Variants in PTPN18 observed in about 807,000 individuals in gnomAD.
The protein encoded by PTPN18 is tyrosine-protein phosphatase non-receptor type 18.
In PTPN18, 65 loss-of-function variants were observed where a neutral mutation model predicts 65.4. That is an observed-to-expected ratio of 0.99 (90% CI 0.81 to 1.22). The LOEUF (loss-of-function observed/expected upper bound fraction) is 1.22. Ranked by LOEUF, PTPN18 falls within the 50% of genes most tolerant of loss-of-function variation. The pLI, the probability that PTPN18 is intolerant of heterozygous loss-of-function variation, is 0.00. For synonymous variants in PTPN18, 255 were observed against 267.8 expected, an observed-to-expected ratio of 0.95 and a Z score of 0.47; for missense variants, 616 against 646.5, an observed-to-expected ratio of 0.95 and a Z score of 0.51.
At chr2:130,367,679 AT>A (rs963643807) in intron 5 of PTPN18, among the ~76,000 whole-genome samples, 30 of 151,466 alleles carry the variant, frequency 2.0e-4, no homozygotes, top group Middle Eastern at 3.4e-3. Context: ...TCAAAAAAAA[AT>A]TTTTTTTTCT....
intron 5 of PTPN18, among the ~76,000 whole-genome samples, chr2:130,368,161 T>C (rs540892879): frequency 6.6e-6 from 1 of 152,318 alleles, no homozygotes; most frequent in East Asian, 1.9e-4. Flanking sequence ...GTAATAGCCA[T>C]TTTAAGATTT....
In PTPN18 at chr2:130,373,011, G is replaced by T. The variant is rs968140229; in HGVS notation, c.1315+64G>T. ...CTTTGAGTGAACCCAGGAGTCTGGG[G>T]TTGATGGGGCATGGAGCTTAGTCCT... On this transcript the variant is annotated intron_variant, in intron 14 of 14. Transcript: ENST00000175756. The surrounding 1 kb of genome is among the most constrained non-coding windows in gnomAD (Gnocchi z 4.1). 3 of 1,598,022 alleles carry T rather than the reference G, an allele frequency of 1.9e-6. No homozygotes were observed. The highest frequency in any genetic ancestry group is 2.6e-6 in the Non-Finnish European group (3 of 1,165,924).
intron 5 of PTPN18, among the ~76,000 whole-genome samples, chr2:130,368,237 G>A (rs917583541): frequency 1.3e-5 from 2 of 152,040 alleles, no homozygotes; most frequent in African/African-American, 4.8e-5. Context: ...CCTGGTTATG[G>A]GTCACACTTT....
At chr2:130,370,218 T>C in intron 8 of PTPN18, 28 bp downstream of exon 8, 8 of 1,606,014 alleles carry the variant, frequency 5.0e-6, no homozygotes, top group Non-Finnish European at 6.8e-6. Context: ...CAGGAGGGTC[T>C]GGTGAGGCAG....
intron 5 of PTPN18, among the ~76,000 whole-genome samples, chr2:130,361,528 T>TTCTTTCTTTCTTTCTTTCTTTCTTTC (rs1680200996): frequency 8.9e-5 from 12 of 135,262 alleles, no homozygotes; most frequent in African/African-American, 3.3e-4. Context: ...CTTTCTTTCT[T>TTCTTTCTTTCTTTCTTTCTTTCTTTC]TCTTTCTTTC....
At chr2:130,360,950 G>A (rs1333776450) in intron 5 of PTPN18, among the ~76,000 whole-genome samples, 1 of 151,746 alleles carries the variant, frequency 6.6e-6, no homozygotes, top group Non-Finnish European at 1.5e-5. Flanking sequence ...TCCTGCCCCA[G>A]ACTCCTGAGT....
Position 130,371,217 on chromosome 2 carries a change from G to A in PTPN18, c.943G>A (p.Asp315Asn), listed in dbSNP as rs765171238. 1.1e-5 allele frequency: 17 copies of A among 1,610,176 alleles called. No individual in the cohort carries two copies. The East Asian group carries it at 2.0e-4, about 19-fold the overall frequency. The change falls in exon 12 of 15, where the codon GAC (aspartate) becomes AAC (asparagine). Residue 315 changes from aspartate to asparagine, a missense_variant. Asp to Asn is a conservative substitution (Grantham distance 23). This residue lies in a region of PTPN18 where 368 missense variants were observed against 386.7 expected (regional missense o/e 0.95). Coordinates refer to ENST00000175756, the MANE Select transcript of PTPN18 (RefSeq NM_014369.4). ...NIKENCAPLY[D>N]DALFLRTPQA... ...TCTTCAGAATTGTGCCCCACTCTAC[G>A]ACGATGCCCTCTTCCTCCGGACTCC...
intron 4 of PTPN18, 55 bp from the exon 5 acceptor site, chr2:130,359,553 T>G: frequency 6.2e-7 from 1 of 1,612,816 alleles, no homozygotes; most frequent in Admixed American, 1.7e-5. Context: ...CCTCGGCAGT[T>G]TCCCTGGCCC....
Position 130,359,626 on chromosome 2 carries a change from C to G in PTPN18, c.394C>G (p.Arg132Gly), listed in dbSNP as rs146895206. The change falls in exon 5 of 15, where the codon CGA becomes GGA. Residue 132 changes from arginine to glycine, a missense_variant. Physicochemically the swap from Arg to Gly is moderately radical, Grantham distance 125 (BLOSUM62 -2). Around this residue, in one of 3 missense-constraint regions of PTPN18, gnomAD observed 223 missense variants for 210.0 expected, o/e 1.06. Transcript: ENST00000175756. ...FGVKVILMAC[R>G]EIENGRKRCE... The stretch of plus-strand genomic sequence containing the variant: ...TGTCTAGGTGATCCTGATGGCCTGT[C>G]GAGAGATAGAGAATGGGCGGGTAGG... The G allele has an allele frequency of 1.9e-6, 3 of 1,614,082 alleles. No individual in the cohort carries two copies. Among genetic ancestry groups the G allele is most frequent in the African/African-American group, 2.7e-5 (2 of 75,012 alleles).
At chr2:130,359,001 C>T (rs754003227) in intron 2 of PTPN18, 26 bp downstream of exon 2, 90 of 1,609,300 alleles carry the variant, frequency 5.6e-5, no homozygotes, top group Non-Finnish European at 6.5e-5. Flanking sequence ...CGTAGGGAGT[C>T]GGTGCAGCCT....
Position 130,372,452 on chromosome 2 carries a change from G to C in PTPN18, c.1209G>C (p.Ala403=). The change falls in exon 13 of 15, where the codon GCG becomes GCC. Residue 403 remains alanine (A), a synonymous_variant. Coordinates refer to ENST00000175756, the MANE Select transcript of PTPN18 (RefSeq NM_014369.4). The part of the protein sequence containing the change: ...TPRAQRPGAH[A]EDARGTLPGR... ...GCGCCCAGCGACCCGGGGCGCACGC[G>C]GAGGACGCGAGGGGGACGCTGCCTG... The C allele has an allele frequency of 7.3e-7, 1 of 1,370,800 alleles. No homozygotes were observed. The highest frequency in any genetic ancestry group is 9.3e-7 in the Non-Finnish European group (1 of 1,069,696). The allele number at this position is 1,370,800 out of a possible 1,614,324, so 84.9% of individuals were successfully genotyped here.
intron 1 of PTPN18, among the ~76,000 whole-genome samples, chr2:130,356,429 G>A (rs921216549): frequency 1.3e-5 from 2 of 152,050 alleles, no homozygotes; most frequent in African/African-American, 4.8e-5. Flanking sequence ...GCCAGGCCGG[G>A]ACGGACCGTG....
intron 1 of PTPN18, among the ~76,000 whole-genome samples, chr2:130,357,343 T>C (rs1011188777): frequency 2.0e-5 from 3 of 152,262 alleles, no homozygotes; most frequent in African/African-American, 7.2e-5. Context: ...TAATCGCTTA[T>C]GTACCAGACA....
intron 5 of PTPN18, among the ~76,000 whole-genome samples, chr2:130,365,357 A>G (rs1680347049): frequency 6.6e-6 from 1 of 152,302 alleles, no homozygotes; most frequent in African/African-American, 2.4e-5. Context: ...TTTGGTTTTC[A>G]TGTGCTTATT....
Position 130,373,284 on chromosome 2 carries a change from C to T in PTPN18, c.*60C>T. The T allele has an allele frequency of 6.9e-7, 1 of 1,443,792 alleles. No individual in the cohort carries two copies. Among genetic ancestry groups the T allele is most frequent in the Non-Finnish European group, 9.3e-7 (1 of 1,076,290 alleles). The allele number at this position is 1,443,792 out of a possible 1,614,324, so 89.4% of individuals were successfully genotyped here. A position where few individuals can be genotyped will look rare whatever the true frequency, so the allele number is the denominator to read the frequency against. On this transcript the variant is annotated 3_prime_UTR_variant, in exon 15 of 15. Transcript: ENST00000175756. This position sits in a 1 kb window ranked among gnomAD's most constrained non-coding sequence, Gnocchi z 4.1. ...AGCTCGGACTGCTGATGCCCCGGTGCTGCTGAGCGCCGTGCGCAGAATGGA... is the reference window on the plus strand; with the variant it reads ...AGCTCGGACTGCTGATGCCCCGGTGTTGCTGAGCGCCGTGCGCAGAATGGA...
In PTPN18 at chr2:130,356,093, C is replaced by G; in HGVS notation, c.-15C>G. On this transcript the variant is annotated 5_prime_UTR_variant, in exon 1 of 15. Coordinates refer to ENST00000175756, the MANE Select transcript of PTPN18 (RefSeq NM_014369.4). ...CGCGCGGCGGCCGGGCTGGACCTTGCTGGCCCGCGGCGCCATGAGCCGCAG... is the reference window on the plus strand; with the variant it reads ...CGCGCGGCGGCCGGGCTGGACCTTGGTGGCCCGCGGCGCCATGAGCCGCAG... 3 of 1,288,922 alleles carry G rather than the reference C, an allele frequency of 2.3e-6. No individual in the cohort carries two copies. The highest frequency in any genetic ancestry group is 9.8e-7 in the Non-Finnish European group (1 of 1,020,768). The allele number at this position is 1,288,922 out of a possible 1,614,324, so 79.8% of individuals were successfully genotyped here. A position where few individuals can be genotyped will look rare whatever the true frequency, so the allele number is the denominator to read the frequency against.
At chr2:130,362,031 A>G (rs929659476) in intron 5 of PTPN18, 43 of 427,110 alleles carry the variant, frequency 1.0e-4, no homozygotes, top group Non-Finnish European at 1.6e-4. Context: ...GGAGTGGTGC[A>G]ATCATAGTTC....
At chr2:130,356,432 G>C (rs1048178381) in intron 1 of PTPN18, among the ~76,000 whole-genome samples, 16 of 152,060 alleles carry the variant, frequency 1.1e-4, no homozygotes, top group African/African-American at 3.9e-4. Context: ...AGGCCGGGAC[G>C]GACCGTGCAC....
At chr2:130,371,118 A>G (rs1680550386) in intron 11 of PTPN18, 81 bp from the exon 12 acceptor site, 2 of 1,419,172 alleles carry the variant, frequency 1.4e-6, no homozygotes, top group Non-Finnish European at 1.9e-6. Flanking sequence ...AGGCTCTCCC[A>G]TCTTAAGCTT....
Sources: allele counts gnomAD v4.1 joint callset (sites outside exome capture counted in the v4.1 genomes callset), GRCh38; gene constraint gnomAD v4.1.1; regional missense constraint gnomAD v4.1.1; non-coding constraint Gnocchi (gnomAD v3.1); transcripts MANE v1.5; gene names NCBI Gene and HGNC (gene_info 2026-07-23, HGNC 2026-07-21).